Variants in MIPEP observed in about 807,000 individuals in gnomAD.
MIPEP encodes mitochondrial intermediate peptidase.
Under a neutral mutation model 90.3 loss-of-function variants are expected in MIPEP, and 79 were observed. That is an observed-to-expected ratio of 0.87 (90% CI 0.73 to 1.05). The LOEUF is 1.05. Ranked by LOEUF, MIPEP falls within the 50% of genes least tolerant of loss-of-function variation. The pLI is 0.00. For synonymous variants in MIPEP, 334 were observed against 315.8 expected (o/e 1.06, Z -0.61); for missense variants, 940 against 905.6 (o/e 1.04, Z -0.49).
At chr13:23,877,037 G>A (rs1322968275) in intron 4 of MIPEP, among the ~76,000 whole-genome samples, 2 of 152,014 alleles carry the variant, frequency 1.3e-5, no homozygotes, top group Non-Finnish European at 2.9e-5. Flanking sequence ...TGATCTAATT[G>A]ACTATTCTGG....
chr13:23,888,832 G>C lies in MIPEP; in HGVS notation c.189+300C>G, dbSNP rs996622950. 146 of 865,666 alleles carry C rather than the reference G, an allele frequency of 1.7e-4. 2 individuals are homozygous for C. The highest frequency in any genetic ancestry group is 4.0e-5 in the Non-Finnish European group (27 of 677,014). The allele number at this position is 865,666 out of a possible 1,614,324, so 53.6% of individuals were successfully genotyped here. On this transcript the variant is annotated intron_variant, in intron 1 of 18. Transcript: ENST00000382172. ...TGAGTGTATGCAGAGGGCGGGTCCT[G>C]GCAGGACGAATTCACCGCCACTGCC...
chr13:23,740,924 A>G (rs1381299216), intron 18 of MIPEP, among the ~76,000 whole-genome samples: 1 of 152,168 alleles, frequency 6.6e-6, no homozygotes, highest in African/African-American at 2.4e-5. Context: ...GGTTTCAAAG[A>G]TGCAAGGGAA....
chr13:23,749,813 A>G (rs1354128663), intron 18 of MIPEP, among the ~76,000 whole-genome samples: 1 of 152,160 alleles, frequency 6.6e-6, no homozygotes, highest in African/African-American at 2.4e-5. Context: ...CCTTAAAAAT[A>G]CTGTAATTGG....
chr13:23,874,723 A>G, intron 5 of MIPEP, 123 bp downstream of exon 5: 1 of 753,386 alleles, frequency 1.3e-6, no homozygotes, highest in Non-Finnish European at 2.1e-6. Flanking sequence ...CATAACAGAT[A>G]AAAGACCTGC....
At chr13:23,830,079 C>T (rs1399994094) in intron 14 of MIPEP, among the ~76,000 whole-genome samples, 1 of 152,146 alleles carries the variant, frequency 6.6e-6, no homozygotes, top group East Asian at 1.9e-4. Context: ...CCTTACAAAT[C>T]CAGCAGTTCC....
intron 14 of MIPEP, among the ~76,000 whole-genome samples, chr13:23,824,386 T>G (rs192972236): frequency 1.8e-4 from 27 of 152,332 alleles, no homozygotes; most frequent in Middle Eastern, 3.4e-3. Context: ...TAAGACAATC[T>G]CTGGTACAAG....
intron 4 of MIPEP, 59 bp from the exon 5 acceptor site, chr13:23,874,968 T>C: frequency 1.4e-6 from 2 of 1,471,670 alleles, no homozygotes; most frequent in South Asian, 1.3e-5. Flanking sequence ...ACAAAAAAAT[T>C]GTGGTTTTTT....
chr13:23,856,489 T>C (rs1870052713), intron 10 of MIPEP, among the ~76,000 whole-genome samples: 1 of 152,238 alleles, frequency 6.6e-6, no homozygotes, highest in Admixed American at 6.5e-5. Context: ...ATACCCACTG[T>C]TATTTAAATG....
At chr13:23,756,141 C>T (rs1565982840) in intron 18 of MIPEP, among the ~76,000 whole-genome samples, 1 of 152,132 alleles carries the variant, frequency 6.6e-6, no homozygotes, top group Non-Finnish European at 1.5e-5. Context: ...TAAGACATTT[C>T]TTTTTTATTT....
At chr13:23,799,340 T>G (rs549979586) in intron 16 of MIPEP, among the ~76,000 whole-genome samples, 11 of 150,942 alleles carry the variant, frequency 7.3e-5, no homozygotes, top group African/African-American at 2.7e-4. Flanking sequence ...TTTTTGTTTT[T>G]GTTTTGGGAC....
intron 15 of MIPEP, 77 bp downstream of exon 15, chr13:23,809,773 A>G: frequency 6.8e-6 from 6 of 885,896 alleles, no homozygotes; most frequent in Non-Finnish European, 1.1e-5. Flanking sequence ...AATAGGTATC[A>G]TTGGCAAGAA....
intron 16 of MIPEP, among the ~76,000 whole-genome samples, chr13:23,772,565 A>G (rs958595943): frequency 6.6e-6 from 1 of 152,226 alleles, no homozygotes; most frequent in African/African-American, 2.4e-5. Context: ...TATTTTATAT[A>G]TAGAAGCTCT....
intron 18 of MIPEP, among the ~76,000 whole-genome samples, chr13:23,734,367 G>C (rs1337245260): frequency 6.6e-6 from 1 of 152,124 alleles, no homozygotes; most frequent in Non-Finnish European, 1.5e-5. Context: ...AAAAACCCTG[G>C]TGCTCCACCA....
intron 16 of MIPEP, among the ~76,000 whole-genome samples, chr13:23,787,201 A>G (rs1952852049): frequency 6.6e-6 from 1 of 152,212 alleles, no homozygotes; most frequent in East Asian, 1.9e-4. Context: ...TTGGGCTGCT[A>G]TAACAAAATA....
chr13:23,843,323 C>T (rs1869386767), intron 10 of MIPEP, among the ~76,000 whole-genome samples: 1 of 152,072 alleles, frequency 6.6e-6, no homozygotes, highest in Admixed American at 6.5e-5. Flanking sequence ...CTGGAAAAGG[C>T]AGGCAGGGGC....
At chr13:23,832,585 T>C (rs1868819744) in intron 14 of MIPEP, among the ~76,000 whole-genome samples, 1 of 152,136 alleles carries the variant, frequency 6.6e-6, no homozygotes, top group African/African-American at 2.4e-5. Context: ...TCTGTGCTAA[T>C]TTGGAGCAAC....
rs1296236032 is a variant in MIPEP, at chr13:23,858,913, C to T, written c.1054-1G>A. 1 of 1,612,562 alleles carries T rather than the reference C, an allele frequency of 6.2e-7. No homozygotes were observed. The highest frequency in any genetic ancestry group is 8.5e-7 in the Non-Finnish European group (1 of 1,178,986). On this transcript the variant is annotated splice_acceptor_variant, in intron 9 of 18. Transcript: ENST00000382172. LOFTEE classifies it high-confidence loss of function. The stretch of plus-strand genomic sequence containing the variant: ...AAGGGGGGTCCCAGGGCATTACTTC[C>T]TACAATGGAATAATTCACTGTTAAG...
At chr13:23,759,467 C>T (rs1952517435) in intron 17 of MIPEP, among the ~76,000 whole-genome samples, 1 of 150,900 alleles carries the variant, frequency 6.6e-6, no homozygotes, top group South Asian at 2.1e-4. Flanking sequence ...TTCCCCACAC[C>T]CCCAAGACAG....
chr13:23,864,418 G>C (rs1870437479), intron 7 of MIPEP, among the ~76,000 whole-genome samples: 1 of 152,048 alleles, frequency 6.6e-6, no homozygotes, highest in South Asian at 2.1e-4. Context: ...ATAATCCACA[G>C]CGTCAGATTC....
Sources: allele counts gnomAD v4.1 joint callset (sites outside exome capture counted in the v4.1 genomes callset), GRCh38; gene constraint gnomAD v4.1.1; transcripts MANE v1.5; gene names NCBI Gene and HGNC (gene_info 2026-07-23, HGNC 2026-07-21).